Variants in ANO7 observed in about 807,000 individuals in gnomAD.
The protein encoded by ANO7 is anoctamin 7.
Under a neutral mutation model 115.8 loss-of-function variants are expected in ANO7, and 114 were observed. The observed-to-expected ratio is 0.98, with a 90% CI of 0.85 to 1.15. The LOEUF is 1.15. Ranked by LOEUF, ANO7 falls within the 50% of genes most tolerant of loss-of-function variation. The pLI is 0.00. For missense variants in ANO7, 1,302 were observed against 1,201.2 expected, an observed-to-expected ratio of 1.08 and a Z score of -1.24; for synonymous variants, 550 against 498.2, an observed-to-expected ratio of 1.10 and a Z score of -1.38.
chr2:241,210,290 C>T lies in ANO7; in HGVS notation c.1360-5C>T, dbSNP rs369579589. 5.2e-5 allele frequency: 84 copies of T among 1,613,734 alleles called. No individual in the cohort carries two copies. Among genetic ancestry groups the T allele is most frequent in the African/African-American group, 2.0e-4 (15 of 75,060 alleles). On this transcript the variant is annotated splice_region_variant and splice_polypyrimidine_tract_variant and intron_variant, in intron 13 of 24. Coordinates refer to ENST00000674324, the MANE Select transcript of ANO7 (RefSeq NM_001370694.2). Reference sequence around the variant, plus strand: ...AGGGTCTCACGGGCCTCCCTGCCCCCGCAGGTGGCCGTGGTGGTCATGTGC... The same window carrying T: ...AGGGTCTCACGGGCCTCCCTGCCCCTGCAGGTGGCCGTGGTGGTCATGTGC...
downstream of ANO7, chr2:241,230,721 G>A (rs1333350280): frequency 6.3e-7 from 1 of 1,591,970 alleles, no homozygotes; most frequent in African/African-American, 1.3e-5. The surrounding 1 kb of genome is among the most constrained non-coding windows in gnomAD (Gnocchi z 5.0). Context: ...CCCCCGGTGA[G>A]AGAGGATTCT....
rs2068493721 is a variant in ANO7 at position 241,202,406 on chromosome 2, C to A, written c.723+102C>A. ...CGGGTGTGGGGCAGGCATGGTCAGC[C>A]GGCGTGGCCACCCAGGAGTCAGAAC... On this transcript the variant is annotated intron_variant, in intron 8 of 24. Transcript: ENST00000674324. The A allele has an allele frequency of 3.0e-6, 3 of 1,013,738 alleles. No individual in the cohort carries two copies. In the East Asian group the frequency reaches 7.3e-5, roughly 25 times the overall value. 62.8% of individuals were successfully genotyped at this position (1,013,738 alleles called of 1,614,324 possible).
intron 21 of ANO7, among the ~76,000 whole-genome samples, chr2:241,220,571 C>T (rs2068987847): frequency 6.6e-6 from 1 of 152,186 alleles, no homozygotes; most frequent in Admixed American, 6.5e-5. Context: ...GTGGCTCATG[C>T]CTATGTTCCC....
chr2:241,210,277 G>T lies in ANO7; in HGVS notation c.1360-18G>T. On this transcript the variant is annotated intron_variant, in intron 13 of 24. Coordinates refer to ENST00000674324, the MANE Select transcript of ANO7 (RefSeq NM_001370694.2). Reference sequence around the variant, plus strand: ...CAAGACACCGTGAAGGGTCTCACGGGCCTCCCTGCCCCCGCAGGTGGCCGT... The same window carrying T: ...CAAGACACCGTGAAGGGTCTCACGGTCCTCCCTGCCCCCGCAGGTGGCCGT... 3 of 1,613,136 alleles carry T rather than the reference G, an allele frequency of 1.9e-6. No individual in the cohort carries two copies. Among genetic ancestry groups the T allele is most frequent in the Non-Finnish European group, 2.5e-6 (3 of 1,179,546 alleles).
intron 21 of ANO7, among the ~76,000 whole-genome samples, chr2:241,222,148 C>T (rs1038479462): frequency 1.3e-5 from 2 of 152,042 alleles, no homozygotes; most frequent in South Asian, 2.1e-4. Context: ...GCAGGAGAAT[C>T]GCTTGAACCC....
chr2:241,210,861 G>A (rs2068706103), intron 15 of ANO7, among the ~76,000 whole-genome samples: 1 of 149,236 alleles, frequency 6.7e-6, no homozygotes, highest in Non-Finnish European at 1.5e-5. Context: ...TAGAGACAGG[G>A]GTCTCACTGT....
the ANO7 span, chr2:241,233,703 G>A: frequency 3.6e-6 from 4 of 1,102,460 alleles, no homozygotes; most frequent in Non-Finnish European, 5.3e-6. This position sits in a 1 kb window ranked among gnomAD's most constrained non-coding sequence, Gnocchi z 4.3. Context: ...TGAGAGACTT[G>A]CCACTCTCAA....
At chr2:241,209,883 A>G (rs1169607921) in intron 13 of ANO7, among the ~76,000 whole-genome samples, 1 of 152,072 alleles carries the variant, frequency 6.6e-6, no homozygotes, top group African/African-American at 2.4e-5. Context: ...TTTTCAAGCA[A>G]GGGGGTTGGT....
In ANO7 at chr2:241,190,073, C is replaced by T. The variant is rs201884340; in HGVS notation, c.10C>T (p.Arg4Ter). ...TGGGTGCAGGAGCAGGATGCTGCGG[C>T]GACGGGCCCAGGAAGAGGACAGCAC... is the stretch of plus-strand genomic sequence containing the variant. MLR[R>*]RAQEEDSTVL... is the part of the protein sequence containing the mutation. Residue 4 changes from arginine (R) to a stop codon, truncating the protein, a stop_gained, in exon 2 of 25, where the codon CGA becomes TGA. Coordinates refer to ENST00000674324, the MANE Select transcript of ANO7 (RefSeq NM_001370694.2). LOFTEE classifies it high-confidence loss of function. 6.0e-5 allele frequency: 94 copies of T among 1,576,222 alleles called. 1 individual carries two copies. In the East Asian group the frequency reaches 1.0e-3, roughly 17 times the overall value.
chr2:241,236,597 G>A, the ANO7 span: 9 of 1,612,866 alleles, frequency 5.6e-6, no homozygotes, highest in Admixed American at 1.0e-4. Flanking sequence ...GGGTGGAGGG[G>A]GGCACATGGA....
At chr2:241,230,084 T>C, downstream of ANO7, 1 of 1,587,726 alleles carries the variant, frequency 6.3e-7, no homozygotes, top group Non-Finnish European at 8.6e-7. This position sits in a 1 kb window ranked among gnomAD's most constrained non-coding sequence, Gnocchi z 5.0. Flanking sequence ...CCCCTGAAGC[T>C]CCTGGCTGGG....
At chr2:241,212,695 C>A (rs573466663) in intron 17 of ANO7, 69 bp downstream of exon 17, 5 of 1,502,458 alleles carry the variant, frequency 3.3e-6, no homozygotes, top group East Asian at 2.4e-5. Flanking sequence ...TTCTTCCATT[C>A]GAGCTTTGAT....
At chr2:241,218,432 G>C in intron 21 of ANO7, 51 bp downstream of exon 21, 1 of 1,261,844 alleles carries the variant, frequency 7.9e-7, no homozygotes, top group Non-Finnish European at 1.0e-6. Context: ...GGACGAGGCG[G>C]AGCGGGGCTC....
chr2:241,195,649 G>C (rs112981336), intron 3 of ANO7, 54 bp from the exon 4 acceptor site: 2 of 1,569,934 alleles, frequency 1.3e-6, no homozygotes, highest in South Asian at 2.3e-5. Flanking sequence ...CCCTTCCCTG[G>C]GCCGGCCACT....
At chr2:241,191,280 C>A in intron 3 of ANO7, 29 bp downstream of exon 3, 1 of 1,612,526 alleles carries the variant, frequency 6.2e-7, no homozygotes, top group Non-Finnish European at 8.5e-7. Context: ...CTGTACCACA[C>A]CCGTGTTGGT....
chr2:241,211,582 G>C lies in ANO7; in HGVS notation c.1562-512G>C, dbSNP rs551334150. Among the ~76,000 whole-genome samples the C allele has an allele frequency of 7.9e-5, 12 of 152,298 alleles. No homozygotes were observed. In the South Asian group the frequency reaches 2.5e-3, roughly 32 times the overall value. On this transcript the variant is annotated intron_variant, in intron 15 of 24. Transcript: ENST00000674324. ...CCTGGTGGGTGGCCAGGGGAAGGTGGGTGTCAGGGAAAGACCTTTGCAGGT... is the reference window on the plus strand; with the variant it reads ...CCTGGTGGGTGGCCAGGGGAAGGTGCGTGTCAGGGAAAGACCTTTGCAGGT...
At chr2:241,216,361 G>C (rs2068828871) in intron 19 of ANO7, 123 bp downstream of exon 19, 1 of 1,276,800 alleles carries the variant, frequency 7.8e-7, no homozygotes. Flanking sequence ...ATGTGCTGTG[G>C]GGGTGGGGTG....
chr2:241,196,582 C>A (rs563376059), intron 4 of ANO7, among the ~76,000 whole-genome samples: 106 of 152,356 alleles, frequency 7.0e-4, no homozygotes, highest in African/African-American at 2.5e-3. Context: ...ACCATTTTAG[C>A]GCCAATTTTA....
intron 8 of ANO7, 94 bp downstream of exon 8, chr2:241,202,398 T>C (rs1363452056): frequency 5.1e-6 from 6 of 1,176,214 alleles, no homozygotes; most frequent in South Asian, 1.3e-5. Context: ...GGGGCAGGCA[T>C]GGTCAGCCGG....
Sources: gnomAD v4.1 joint callset for allele counts (sites outside exome capture counted in the v4.1 genomes callset) on GRCh38, gnomAD v4.1.1 for gene constraint, Gnocchi (gnomAD v3.1) non-coding constraint, MANE v1.5 for transcripts, NCBI Gene and HGNC (gene_info 2026-07-23, HGNC 2026-07-21) for gene names.